EXOC6B: variants seen among roughly 807,000 people sequenced by gnomAD.
EXOC6B encodes the protein SEC15 homolog B.
A neutral mutation model predicts 113.5 loss-of-function variants in EXOC6B; 54 were observed. That is an observed-to-expected ratio of 0.48 (90% CI 0.38 to 0.60). The LOEUF is 0.60. Among genes scored for constraint, EXOC6B ranks in the 20% least tolerant of loss-of-function variants. The pLI, the probability that EXOC6B is intolerant of heterozygous loss-of-function variation, is 0.00. For synonymous variants in EXOC6B, 357 were observed against 339.0 expected (o/e 1.05, Z -0.58); for missense variants, 797 against 977.5 (o/e 0.82, Z 2.46).
intron 8 of EXOC6B, among the ~76,000 whole-genome samples, chr2:72,552,688 C>T (rs993364561): frequency 1.3e-5 from 2 of 151,818 alleles, no homozygotes; most frequent in Non-Finnish European, 2.9e-5. Flanking sequence ...AACACATGCT[C>T]ATCAAATTGA....
At chr2:72,355,388 T>C (rs1195203664) in intron 19 of EXOC6B, among the ~76,000 whole-genome samples, 4 of 152,180 alleles carry the variant, frequency 2.6e-5, no homozygotes, top group African/African-American at 9.7e-5. Flanking sequence ...TAACAAAGAT[T>C]GGCGACTCAA....
intron 19 of EXOC6B, among the ~76,000 whole-genome samples, chr2:72,351,739 A>G (rs990292693): frequency 6.6e-6 from 1 of 152,128 alleles, no homozygotes; most frequent in East Asian, 1.9e-4. Context: ...CCTCTCTCCT[A>G]TGGATTTATC....
chr2:72,631,426 GTATA>G (rs376088377), intron 6 of EXOC6B, among the ~76,000 whole-genome samples: 576 of 28,040 alleles, frequency 0.021, 22 homozygotes, highest in African/African-American at 0.031. Flanking sequence ...GTGTGTGTGT[GTATA>G]TATATATATA....
chr2:72,399,126 T>A (rs1692966484), intron 18 of EXOC6B, among the ~76,000 whole-genome samples: 1 of 152,144 alleles, frequency 6.6e-6, no homozygotes, highest in South Asian at 2.1e-4. Flanking sequence ...CCAGTGTGTT[T>A]TATTCCAAAG....
chr2:72,524,507 TC>T (rs2105730629), intron 8 of EXOC6B, among the ~76,000 whole-genome samples: 1 of 152,308 alleles, frequency 6.6e-6, no homozygotes, highest in East Asian at 1.9e-4. Context: ...TTGAAAAATG[TC>T]TAAACCACAA....
At chr2:72,391,968 T>G (rs533807660) in intron 18 of EXOC6B, among the ~76,000 whole-genome samples, 86 of 152,362 alleles carry the variant, frequency 5.6e-4, no homozygotes, top group African/African-American at 2.0e-3. Flanking sequence ...AGTCTGTTTT[T>G]AAACCCACTC....
chr2:72,466,191 A>G (rs1698043837), intron 17 of EXOC6B, among the ~76,000 whole-genome samples: 1 of 151,876 alleles, frequency 6.6e-6, no homozygotes. Flanking sequence ...CTAAAAATAC[A>G]AAAATTAGCT....
chr2:72,755,286 C>A (rs1682341026), intron 1 of EXOC6B, among the ~76,000 whole-genome samples: 1 of 152,160 alleles, frequency 6.6e-6, no homozygotes, highest in South Asian at 2.1e-4. Context: ...GTGGAAAGCA[C>A]AGTTCATGTC....
At chr2:72,247,971 C>A (rs1349871717) in intron 20 of EXOC6B, among the ~76,000 whole-genome samples, 1 of 152,140 alleles carries the variant, frequency 6.6e-6, no homozygotes, top group Non-Finnish European at 1.5e-5. Context: ...GATAGACTAG[C>A]TGTCCCTGAG....
Position 72,596,446 on chromosome 2 carries a change from A to G in EXOC6B, c.670-20778T>C, listed in dbSNP as rs111817556. ...AGGGGGGCTCCTGAGTTTTACCTTTAGGAGCTTTCCAAGGTTCTCATGGAG... is the reference window on the plus strand; with the variant it reads ...AGGGGGGCTCCTGAGTTTTACCTTTGGGAGCTTTCCAAGGTTCTCATGGAG... On this transcript the variant is annotated intron_variant, in intron 6 of 21. Transcript: ENST00000272427. 5.3e-3 allele frequency among the ~76,000 whole-genome samples: 814 copies of G among 152,282 alleles called. 12 individuals are homozygous for G. Among genetic ancestry groups the G allele is most frequent in the African/African-American group, 0.018 (754 of 41,570 alleles).
At chr2:72,447,771 T>C (rs1176921113) in intron 18 of EXOC6B, among the ~76,000 whole-genome samples, 5 of 152,242 alleles carry the variant, frequency 3.3e-5, no homozygotes, top group Non-Finnish European at 7.3e-5. Context: ...CTTGTACTTG[T>C]ACTTTGTACT....
chr2:72,265,323 T>C (rs1307428192), intron 20 of EXOC6B, among the ~76,000 whole-genome samples: 3 of 151,102 alleles, frequency 2.0e-5, no homozygotes, highest in African/African-American at 7.3e-5. Flanking sequence ...TACATATGTA[T>C]ACATGTGCCA....
At chr2:72,582,582 T>G (rs1034465577) in intron 6 of EXOC6B, among the ~76,000 whole-genome samples, 2 of 152,018 alleles carry the variant, frequency 1.3e-5, no homozygotes, top group Admixed American at 1.3e-4. Flanking sequence ...TTGCCCAGGC[T>G]GGAGTGAAAT....
chr2:72,768,465 A>G lies in EXOC6B; in HGVS notation c.114-26996T>C, dbSNP rs150262126. Reference sequence around the variant, plus strand: ...CGCTACCACCCCCGGCTAATTTTGTATTTTCTTTCTCCCCGGCTAATTTTG... The same window carrying G: ...CGCTACCACCCCCGGCTAATTTTGTGTTTTCTTTCTCCCCGGCTAATTTTG... On this transcript the variant is annotated intron_variant, in intron 1 of 21. Coordinates refer to ENST00000272427, the MANE Select transcript of EXOC6B (RefSeq NM_015189.3). 1.3e-3 allele frequency among the ~76,000 whole-genome samples: 198 copies of G among 151,004 alleles called. 1 individual carries two copies. Among genetic ancestry groups the G allele is most frequent in the African/African-American group, 4.4e-3 (179 of 41,132 alleles).
At chr2:72,304,670 C>A (rs1686724834) in intron 20 of EXOC6B, among the ~76,000 whole-genome samples, 1 of 152,156 alleles carries the variant, frequency 6.6e-6, no homozygotes, top group South Asian at 2.1e-4. Flanking sequence ...ACTCAAAGAT[C>A]AACCTCTAGT....
At chr2:72,402,739 A>G (rs1325638098) in intron 18 of EXOC6B, among the ~76,000 whole-genome samples, 2 of 152,176 alleles carry the variant, frequency 1.3e-5, no homozygotes, top group African/African-American at 4.8e-5. Context: ...TACTTGAATA[A>G]TATAAGGCAG....
chr2:72,531,978 T>A (rs1339977127), intron 8 of EXOC6B, among the ~76,000 whole-genome samples: 2 of 151,636 alleles, frequency 1.3e-5, no homozygotes, highest in Non-Finnish European at 2.9e-5. Context: ...AGAGCGAGAC[T>A]CCTTCTCAAA....
intron 6 of EXOC6B, among the ~76,000 whole-genome samples, chr2:72,612,326 T>C (rs1339519465): frequency 6.6e-6 from 1 of 152,064 alleles, no homozygotes; most frequent in Non-Finnish European, 1.5e-5. Flanking sequence ...TAAACACTAC[T>C]GTGCCTTAGC....
chr2:72,468,369 A>T (rs1193482570), intron 17 of EXOC6B, among the ~76,000 whole-genome samples: 2 of 152,306 alleles, frequency 1.3e-5, no homozygotes, highest in East Asian at 3.9e-4. Context: ...AAATGTGGAT[A>T]TCCAGTTTTC....
Sources: gnomAD v4.1 joint callset for allele counts (sites outside exome capture counted in the v4.1 genomes callset) on GRCh38, gnomAD v4.1.1 for gene constraint, MANE v1.5 for transcripts, NCBI Gene and HGNC (gene_info 2026-07-23, HGNC 2026-07-21) for gene names.